ITFG1: variants seen among roughly 807,000 people sequenced by gnomAD.
The protein encoded by ITFG1 is integrin alpha FG-GAP repeat containing 1.
ITFG1 carries 34 observed loss-of-function variants against 81.8 expected under a neutral mutation model. The ratio of observed to expected loss-of-function variants is 0.42; its 90% confidence interval spans 0.32 to 0.55. The LOEUF is 0.55. Ranked by LOEUF, ITFG1 falls within the 20% of genes least tolerant of loss-of-function variation. ITFG1 has a pLI of 0.17. For synonymous variants in ITFG1, 285 were observed against 270.6 expected, an observed-to-expected ratio of 1.05 and a Z score of -0.52; for missense variants, 672 against 755.4, an observed-to-expected ratio of 0.89 and a Z score of 1.29.
chr16:47,333,402 CCA>C (rs1186750475), intron 8 of ITFG1, among the ~76,000 whole-genome samples: 2 of 152,074 alleles, frequency 1.3e-5, no homozygotes, highest in Non-Finnish European at 2.9e-5. Flanking sequence ...AAAGGTTCAT[CCA>C]GAATTAGAGA....
chr16:47,208,255 T>C (rs1965524815), intron 14 of ITFG1, among the ~76,000 whole-genome samples: 1 of 152,204 alleles, frequency 6.6e-6, no homozygotes, highest in Non-Finnish European at 1.5e-5. Context: ...TCTGGGGAAG[T>C]CCTTAACTTC....
At chr16:47,450,225 A>G (rs1969371576) in intron 5 of ITFG1, 1 of 175,990 alleles carries the variant, frequency 5.7e-6, no homozygotes, top group African/African-American at 2.4e-5. Flanking sequence ...CTCTAAAGCA[A>G]GACTCTCTTC....
intron 5 of ITFG1, among the ~76,000 whole-genome samples, chr16:47,435,837 A>G (rs1969159133): frequency 1.3e-5 from 2 of 152,336 alleles, no homozygotes; most frequent in South Asian, 4.1e-4. Context: ...ATAATTTCTA[A>G]GAAAACAATC....
chr16:47,421,821 C>T (rs368937181), intron 6 of ITFG1, among the ~76,000 whole-genome samples: 1 of 152,082 alleles, frequency 6.6e-6, no homozygotes, highest in East Asian at 1.9e-4. Context: ...AATGCTATAC[C>T]TCCCACAGTC....
chr16:47,348,999 C>A (rs528888815), intron 8 of ITFG1, among the ~76,000 whole-genome samples: 3 of 152,244 alleles, frequency 2.0e-5, no homozygotes, highest in Admixed American at 6.5e-5. Context: ...ACTTTACAGA[C>A]AAGCAAATGC....
intron 6 of ITFG1, among the ~76,000 whole-genome samples, chr16:47,376,678 TG>T (rs1157632050): frequency 2.6e-5 from 4 of 152,186 alleles, no homozygotes; most frequent in African/African-American, 9.7e-5. Context: ...ATAACATTAC[TG>T]TTTTATGCTT....
rs531563726 is a variant in ITFG1 at position 47,267,762 on chromosome 16, T to C, written c.1071-7067A>G. On this transcript the variant is annotated intron_variant, in intron 10 of 17. Coordinates refer to ENST00000320640, the MANE Select transcript of ITFG1 (RefSeq NM_030790.5). Reference sequence around the variant, plus strand: ...AAAGCAATAACAGTTATTTCAAAAATTTCCAAATTTTTTTAAAACTGAAAA... The same window carrying C: ...AAAGCAATAACAGTTATTTCAAAAACTTCCAAATTTTTTTAAAACTGAAAA... Among the ~76,000 whole-genome samples the C allele has an allele frequency of 4.6e-5, 7 of 152,230 alleles. No homozygotes were observed. In the South Asian group the frequency reaches 1.0e-3, roughly 23 times the overall value.
At chr16:47,279,755 C>T (rs963768802) in intron 10 of ITFG1, among the ~76,000 whole-genome samples, 1 of 152,080 alleles carries the variant, frequency 6.6e-6, no homozygotes, top group Non-Finnish European at 1.5e-5. Context: ...TCTTCCAGTG[C>T]CTGAATATGG....
At chr16:47,325,006 C>G (rs1247880282) in intron 8 of ITFG1, among the ~76,000 whole-genome samples, 1 of 152,174 alleles carries the variant, frequency 6.6e-6, no homozygotes, top group Non-Finnish European at 1.5e-5. Flanking sequence ...ACAGAACTCT[C>G]TACCCCAAAT....
chr16:47,367,237 T>A (rs1238524785), intron 7 of ITFG1, among the ~76,000 whole-genome samples: 1 of 152,224 alleles, frequency 6.6e-6, no homozygotes, highest in Non-Finnish European at 1.5e-5. Context: ...CTCCAGGAAC[T>A]TCCACCTGTT....
chr16:47,162,455 T>C (rs1964821592), intron 15 of ITFG1, 85 bp downstream of exon 15: 1 of 1,155,444 alleles, frequency 8.7e-7, no homozygotes, highest in Admixed American at 2.8e-5. Context: ...TCAAATTCAA[T>C]TAGGTTCAAA....
At chr16:47,173,211 C>G (rs1344752230) in intron 14 of ITFG1, among the ~76,000 whole-genome samples, 1 of 152,176 alleles carries the variant, frequency 6.6e-6, no homozygotes, top group Non-Finnish European at 1.5e-5. Context: ...CCCTTTTACT[C>G]TGCTTTATTC....
At chr16:47,310,653 G>C (rs1322933507) in intron 10 of ITFG1, among the ~76,000 whole-genome samples, 1 of 152,142 alleles carries the variant, frequency 6.6e-6, no homozygotes, top group Non-Finnish European at 1.5e-5. Flanking sequence ...AGTCATGGTG[G>C]AATTTCCAGT....
At chr16:47,262,027 A>G (rs1405310435) in intron 10 of ITFG1, among the ~76,000 whole-genome samples, 2 of 152,228 alleles carry the variant, frequency 1.3e-5, no homozygotes, top group African/African-American at 4.8e-5. Context: ...GTTCATATAA[A>G]AATATTACTG....
intron 5 of ITFG1, among the ~76,000 whole-genome samples, chr16:47,446,381 G>A (rs1969325298): frequency 6.6e-6 from 1 of 152,126 alleles, no homozygotes; most frequent in South Asian, 2.1e-4. Flanking sequence ...AATGTCTCAG[G>A]TACATAAGAG....
intron 6 of ITFG1, among the ~76,000 whole-genome samples, chr16:47,376,430 G>C (rs866656880): frequency 2.6e-5 from 4 of 151,952 alleles, no homozygotes; most frequent in Non-Finnish European, 4.4e-5. Context: ...TAATAGAATT[G>C]TCTTCATAAA....
chr16:47,254,961 T>A (rs1032317766), intron 12 of ITFG1, among the ~76,000 whole-genome samples: 2 of 152,110 alleles, frequency 1.3e-5, no homozygotes, highest in African/African-American at 2.4e-5. Flanking sequence ...GCAGCACATG[T>A]CTGTAATCCC....
intron 14 of ITFG1, among the ~76,000 whole-genome samples, chr16:47,213,682 C>T (rs72800626): frequency 0.027 from 4,164 of 152,212 alleles, 92 homozygotes; most frequent in Non-Finnish European, 0.04. Flanking sequence ...TCCACAATGA[C>T]GCTTCTATAA....
intron 15 of ITFG1, 79 bp from the exon 16 acceptor site, chr16:47,161,911 A>C (rs957530660): frequency 2.2e-6 from 2 of 893,382 alleles, no homozygotes; most frequent in African/African-American, 3.3e-5. Flanking sequence ...ATAATGAAAA[A>C]TCTAGCTACT....
Sources: allele counts gnomAD v4.1 joint callset (sites outside exome capture counted in the v4.1 genomes callset), GRCh38; gene constraint gnomAD v4.1.1; transcripts MANE v1.5; gene names NCBI Gene and HGNC (gene_info 2026-07-23, HGNC 2026-07-21).